DSE: variants seen among roughly 807,000 people sequenced by gnomAD.
DSE encodes the protein dermatan sulfate epimerase.
Under a neutral mutation model 84.4 loss-of-function variants are expected in DSE, and 36 were observed. The ratio of observed to expected loss-of-function variants is 0.43; its 90% CI spans 0.33 to 0.56. The LOEUF (loss-of-function observed/expected upper bound fraction) is 0.56. DSE is among the 20% of genes least tolerant of loss of function. DSE has a pLI of 0.06. For synonymous variants in DSE, 410 were observed against 430.1 expected (o/e 0.95, Z 0.58); for missense variants, 862 against 1,169.6 (o/e 0.74, Z 3.84).
At chr6:116,277,883 C>T (rs746406277) in intron 2 of DSE, 3 of 115,562 alleles carry the variant, frequency 2.6e-5, no homozygotes, top group Non-Finnish European at 4.8e-5. Flanking sequence ...ACCTGGGCGA[C>T]AGAGCAAGAC....
At chr6:116,267,057 A>G (rs1772656739) in intron 2 of DSE, among the ~76,000 whole-genome samples, 1 of 152,238 alleles carries the variant, frequency 6.6e-6, no homozygotes, top group Non-Finnish European at 1.5e-5. Context: ...GCTGGTATAA[A>G]CAAACCTACT....
At chr6:116,260,196 T>C (rs1772352660) in intron 2 of DSE, among the ~76,000 whole-genome samples, 1 of 152,220 alleles carries the variant, frequency 6.6e-6, no homozygotes, top group Admixed American at 6.5e-5. Context: ...TATGAGATAG[T>C]ATCTCATTGT....
chr6:116,394,874 C>A (rs1454543442), intron 1 of DSE, among the ~76,000 whole-genome samples: 4 of 152,172 alleles, frequency 2.6e-5, no homozygotes, highest in Admixed American at 6.5e-5. Flanking sequence ...AGATAAAGTA[C>A]TTATTAGTAG....
At chr6:116,305,566 A>G (rs1220586880) in intron 2 of DSE, among the ~76,000 whole-genome samples, 1 of 152,236 alleles carries the variant, frequency 6.6e-6, no homozygotes, top group Non-Finnish European at 1.5e-5. Context: ...AAATTGGAAT[A>G]GATAAAATTA....
chr6:116,272,991 T>C (rs1772949420), intron 2 of DSE, among the ~76,000 whole-genome samples: 1 of 152,368 alleles, frequency 6.6e-6, no homozygotes, highest in South Asian at 2.1e-4. Context: ...GTTGTTATCT[T>C]CTCTGTAACC....
chr6:116,362,852 A>T (rs1778978838), intron 2 of DSE, among the ~76,000 whole-genome samples: 1 of 152,230 alleles, frequency 6.6e-6, no homozygotes, highest in South Asian at 2.1e-4. Context: ...CCTAAAGTAT[A>T]ACCATACTTG....
At chr6:116,349,367 G>A (rs903409616) in intron 2 of DSE, among the ~76,000 whole-genome samples, 1 of 152,144 alleles carries the variant, frequency 6.6e-6, no homozygotes, top group Non-Finnish European at 1.5e-5. Context: ...TGTGGTAGGG[G>A]AGCTCACTCA....
chr6:116,306,899 A>G (rs1198039830), intron 2 of DSE, among the ~76,000 whole-genome samples: 1 of 152,198 alleles, frequency 6.6e-6, no homozygotes, highest in East Asian at 1.9e-4. Flanking sequence ...CAGGAGCCAA[A>G]TTGACTAGCA....
At chr6:116,296,365 C>CGTTCT (rs1352818419) in intron 2 of DSE, among the ~76,000 whole-genome samples, 1 of 152,058 alleles carries the variant, frequency 6.6e-6, no homozygotes, top group Non-Finnish European at 1.5e-5. Context: ...AGATGTAGAA[C>CGTTCT]CCTTGGATAT....
rs1214770745 is a variant in DSE at position 116,443,727 on chromosome 6, C to G, written c.*6382C>G. 1 of 152,114 alleles carries G rather than the reference C, an allele frequency of 6.6e-6. No individual in the cohort carries two copies. Among genetic ancestry groups the G allele is most frequent in the African/African-American group, 2.4e-5 (1 of 41,426 alleles). 9.4% of individuals were successfully genotyped at this position (152,114 alleles called of 1,614,324 possible). A position where few individuals can be genotyped will look rare whatever the true frequency, so the allele number is the denominator to read the frequency against. ...TCAGTAGAATTTCTTAAGAAAAGAG[C>G]TTCTAAAAACATTCAGTCAGCCCAG... On this transcript the variant is annotated 3_prime_UTR_variant, in exon 6 of 6. Transcript: ENST00000644252.
chr6:116,330,899 T>C (rs1776896247), intron 2 of DSE, among the ~76,000 whole-genome samples: 1 of 152,194 alleles, frequency 6.6e-6, no homozygotes, highest in Admixed American at 6.5e-5. Flanking sequence ...ATTCTTAATA[T>C]TAGATAACCA....
At chr6:116,434,826 A>T (rs577313496) in intron 5 of DSE, among the ~76,000 whole-genome samples, 2 of 152,306 alleles carry the variant, frequency 1.3e-5, no homozygotes, top group East Asian at 3.9e-4. Flanking sequence ...ACTCTAGGTG[A>T]TTGATTTACT....
rs140386766 is a variant in DSE, at chr6:116,389,336, T to A, written c.-53-9862T>A. The stretch of plus-strand genomic sequence containing the variant: ...GGAAGTGTGGCTCCAGCTTGCACCC[T>A]CAAACACTGATAGTGTTTTGAGGTG... On this transcript the variant is annotated intron_variant, in intron 1 of 5. Transcript: ENST00000644252. Among the ~76,000 whole-genome samples the A allele has an allele frequency of 3.4e-4, 52 of 152,046 alleles. 1 individual carries two copies. Among genetic ancestry groups the A allele is most frequent in the African/African-American group, 1.2e-3 (49 of 41,502 alleles).
At chr6:116,285,560 A>G (rs1773844116) in intron 2 of DSE, among the ~76,000 whole-genome samples, 1 of 152,098 alleles carries the variant, frequency 6.6e-6, no homozygotes, top group Non-Finnish European at 1.5e-5. Context: ...TTTTGTTGCC[A>G]TTGCTTTTGG....
intron 2 of DSE, among the ~76,000 whole-genome samples, chr6:116,284,815 C>T (rs567417759): frequency 7.2e-5 from 11 of 152,128 alleles, no homozygotes; most frequent in African/African-American, 2.4e-4. Flanking sequence ...TGATGATTTC[C>T]AGCTTCATCC....
chr6:116,385,592 G>A (rs1292217651), intron 1 of DSE, among the ~76,000 whole-genome samples: 1 of 152,122 alleles, frequency 6.6e-6, no homozygotes, highest in African/African-American at 2.4e-5. Flanking sequence ...AGTTGGGGAA[G>A]TCTAAGAAGG....
intron 2 of DSE, among the ~76,000 whole-genome samples, chr6:116,314,949 C>T (rs1775879096): frequency 6.6e-6 from 1 of 152,192 alleles, no homozygotes; most frequent in Non-Finnish European, 1.5e-5. Context: ...GAGCTACATT[C>T]AGGTACAGGA....
intron 2 of DSE, among the ~76,000 whole-genome samples, chr6:116,419,018 G>C (rs1020520949): frequency 1.3e-5 from 2 of 152,126 alleles, no homozygotes; most frequent in Non-Finnish European, 2.9e-5. Flanking sequence ...TGTGCATTTT[G>C]CTTCACAATG....
In DSE at chr6:116,431,124, A is replaced by G. The variant is rs1271391398; in HGVS notation, c.841A>G (p.Asn281Asp). 1.9e-6 allele frequency: 3 copies of G among 1,614,098 alleles called. No individual in the cohort carries two copies. Among genetic ancestry groups the G allele is most frequent in the East Asian group, 4.5e-5 (2 of 44,896 alleles). ...CATGTTTCTCGTCCAGAGGCACTTCAACATCAACCACTTTGGCCATCCGTG... is the reference window on the plus strand; with the variant it reads ...CATGTTTCTCGTCCAGAGGCACTTCGACATCAACCACTTTGGCCATCCGTG... The part of the protein sequence containing the change: ...QYMFLVQRHF[N>D]INHFGHPWLK... The change falls in exon 4 of 6, where the codon AAC becomes GAC. Residue 281 changes from asparagine (N) to aspartate (D), a missense_variant. Physicochemically the swap from Asn to Asp is conservative, Grantham distance 23. This residue lies in a region of DSE where 309 missense variants were observed against 516.9 expected (regional missense o/e 0.60). Transcript: ENST00000644252.
Sources: allele counts gnomAD v4.1 joint callset (sites outside exome capture counted in the v4.1 genomes callset), GRCh38; gene constraint gnomAD v4.1.1; regional missense constraint gnomAD v4.1.1; transcripts MANE v1.5; gene names NCBI Gene and HGNC (gene_info 2026-07-23, HGNC 2026-07-21).